PDCL2: variants seen among roughly 807,000 people sequenced by gnomAD.
PDCL2 encodes phosducin like 2, also known as phosducin-like protein 2.
PDCL2 carries 23 observed loss-of-function variants against 30.3 expected under a neutral mutation model. The ratio of observed to expected loss-of-function variants is 0.76; its 90% CI spans 0.55 to 1.08. The LOEUF (loss-of-function observed/expected upper bound fraction) is 1.08, where lower values mean the gene tolerates loss of function less well. PDCL2 is among the 50% of genes least tolerant of loss of function. The pLI is 0.00. For synonymous variants in PDCL2, 68 were observed against 86.2 expected (o/e 0.79, Z 1.17); for missense variants, 243 against 282.3 (o/e 0.86, Z 1.00).
At chr4:55,584,273 T>TTTTC (rs1379560143) in intron 1 of PDCL2, among the ~76,000 whole-genome samples, 1 of 88,568 alleles carries the variant, frequency 1.1e-5, no homozygotes, top group African/African-American at 4.7e-5. Flanking sequence ...GTTTTGTTTT[T>TTTTC]TGAGATGAAG....
intron 1 of PDCL2, among the ~76,000 whole-genome samples, chr4:55,582,780 C>T (rs573190867): frequency 8.8e-5 from 13 of 147,834 alleles, no homozygotes; most frequent in South Asian, 4.5e-4. Flanking sequence ...TGACAGGCCC[C>T]GGTGTGTGAT....
intron 4 of PDCL2, 102 bp downstream of exon 4, chr4:55,569,616 C>G: frequency 1.3e-6 from 1 of 770,192 alleles, no homozygotes; most frequent in Non-Finnish European, 1.9e-6. Context: ...TATATAGTTG[C>G]TTTTTCTTGA....
At chr4:55,581,024 A>G (rs1394617894) in intron 2 of PDCL2, 113 bp from the exon 3 acceptor site, 2 of 680,026 alleles carry the variant, frequency 2.9e-6, no homozygotes, top group African/African-American at 3.7e-5. Flanking sequence ...ATCTTTAAAC[A>G]GCCGGGTGCG....
At chr4:55,575,967 A>G (rs1050021571) in intron 3 of PDCL2, among the ~76,000 whole-genome samples, 1 of 152,208 alleles carries the variant, frequency 6.6e-6, no homozygotes, top group African/African-American at 2.4e-5. Context: ...AGAGCACCAG[A>G]TAGTATCCAA....
intron 4 of PDCL2, among the ~76,000 whole-genome samples, chr4:55,569,449 T>C (rs1333360058): frequency 1.3e-5 from 2 of 152,160 alleles, no homozygotes; most frequent in Non-Finnish European, 2.9e-5. Flanking sequence ...TGAGATATTC[T>C]ATAATAAAAA....
intron 5 of PDCL2, among the ~76,000 whole-genome samples, chr4:55,562,167 A>G (rs1732151584): frequency 6.6e-6 from 1 of 152,198 alleles, no homozygotes; most frequent in African/African-American, 2.4e-5. Context: ...AGGTGGGTGG[A>G]GATTCTAAAG....
intron 3 of PDCL2, among the ~76,000 whole-genome samples, chr4:55,576,225 G>A (rs1314868323): frequency 6.6e-6 from 1 of 151,984 alleles, no homozygotes; most frequent in African/African-American, 2.4e-5. Flanking sequence ...TGAGTAGCTG[G>A]GATTACAGGG....
intron 1 of PDCL2, among the ~76,000 whole-genome samples, chr4:55,591,523 G>A (rs1222042251): frequency 6.6e-6 from 1 of 152,096 alleles, no homozygotes; most frequent in Non-Finnish European, 1.5e-5. Flanking sequence ...GGTAGCTGGG[G>A]CTACAGGCGC....
chr4:55,572,613 A>G (rs1248974462), intron 3 of PDCL2, among the ~76,000 whole-genome samples: 1 of 152,204 alleles, frequency 6.6e-6, no homozygotes, highest in Non-Finnish European at 1.5e-5. Context: ...AGCATCATGC[A>G]ATATACCAGT....
chr4:55,585,849 G>A (rs1190811861), intron 1 of PDCL2, among the ~76,000 whole-genome samples: 1 of 151,972 alleles, frequency 6.6e-6, no homozygotes, highest in Non-Finnish European at 1.5e-5. Context: ...TCATATTAAT[G>A]TCTTACAATG....
chr4:55,568,762 G>A (rs1732333701), intron 4 of PDCL2, among the ~76,000 whole-genome samples: 1 of 152,134 alleles, frequency 6.6e-6, no homozygotes, highest in Admixed American at 6.5e-5. Context: ...GTCTCTACCA[G>A]GAAGGGCAGG....
chr4:55,583,789 G>A (rs191813399), intron 1 of PDCL2, among the ~76,000 whole-genome samples: 11 of 152,204 alleles, frequency 7.2e-5, no homozygotes, highest in African/African-American at 2.2e-4. Flanking sequence ...CCAGTACCAC[G>A]CTGTTTGGAT....
intron 1 of PDCL2, among the ~76,000 whole-genome samples, chr4:55,590,859 C>T (rs928145912): frequency 6.6e-6 from 1 of 152,232 alleles, no homozygotes; most frequent in East Asian, 1.9e-4. Context: ...AGGCATTTAC[C>T]ATGCCATTAA....
At chr4:55,591,567 A>C (rs904828616) in intron 1 of PDCL2, among the ~76,000 whole-genome samples, 7 of 152,274 alleles carry the variant, frequency 4.6e-5, no homozygotes, top group Admixed American at 2.6e-4. Flanking sequence ...TTGTATTTTT[A>C]GTAGAGATGG....
Position 55,579,486 on chromosome 4 carries a change from G to A in PDCL2, c.218+1335C>T, listed in dbSNP as rs572362626. Among the ~76,000 whole-genome samples the A allele has an allele frequency of 1.5e-4, 23 of 152,120 alleles. No homozygotes were observed. In the South Asian group the frequency reaches 4.2e-3, roughly 28 times the overall value. ...TGGGATTACAGGCATGTGCTACAAC[G>A]CCTGGCTAATTTAAAGACACGGGTT... On this transcript the variant is annotated intron_variant, in intron 3 of 5. Transcript: ENST00000295645.
intron 1 of PDCL2, among the ~76,000 whole-genome samples, chr4:55,585,989 A>AT (rs898459507): frequency 1.3e-5 from 2 of 151,672 alleles, no homozygotes; most frequent in African/African-American, 4.8e-5. Flanking sequence ...GATTTTCTTG[A>AT]TTTTTTCTAT....
intron 3 of PDCL2, among the ~76,000 whole-genome samples, chr4:55,578,944 T>C (rs2412660): frequency 0.043 from 6,521 of 152,228 alleles, 446 homozygotes; most frequent in African/African-American, 0.15. Flanking sequence ...CTGATGGTGA[T>C]TTTTCTATTT....
At chr4:55,581,571 C>A (rs1226915977) in intron 2 of PDCL2, among the ~76,000 whole-genome samples, 1 of 152,150 alleles carries the variant, frequency 6.6e-6, no homozygotes, top group Non-Finnish European at 1.5e-5. Flanking sequence ...GAGAAGAAAG[C>A]TCACTTGGTT....
In PDCL2 at chr4:55,590,629, G is replaced by C. The variant is rs1340753822; in HGVS notation, c.6+1475C>G. 5.3e-5 allele frequency among the ~76,000 whole-genome samples: 8 copies of C among 151,240 alleles called. No individual in the cohort carries two copies. The East Asian group carries it at 1.6e-3, about 30-fold the overall frequency. On this transcript the variant is annotated intron_variant, in intron 1 of 5. Transcript: ENST00000295645. ...AGCCTCCCAAGTAGCTGGGACTACAGGTATGTGCCACAATGTCCAGCTAAT... is the reference window on the plus strand; with the variant it reads ...AGCCTCCCAAGTAGCTGGGACTACACGTATGTGCCACAATGTCCAGCTAAT...
Sources: allele counts gnomAD v4.1 joint callset (sites outside exome capture counted in the v4.1 genomes callset), GRCh38; gene constraint gnomAD v4.1.1; transcripts MANE v1.5; gene names NCBI Gene and HGNC (gene_info 2026-07-23, HGNC 2026-07-21).